The following UPRT variants were observed in gnomAD, a reference collection of about 807,000 sequenced individuals.
UPRT encodes uracil phosphoribosyltransferase homolog, also known as RP11-311P8.3.
In UPRT, 5 loss-of-function variants were observed where a neutral mutation model predicts 22.6. That is an observed-to-expected ratio of 0.22 (90% CI 0.12 to 0.47). The LOEUF (loss-of-function observed/expected upper bound fraction) is 0.47. Ranked by LOEUF, UPRT falls within the 20% of genes least tolerant of loss-of-function variation. The pLI, the probability that UPRT is intolerant of heterozygous loss-of-function variation, is 0.99. For synonymous variants in UPRT, 77 were observed against 87.7 expected (o/e 0.88, Z 0.68); for missense variants, 181 against 239.9 (o/e 0.75, Z 1.62).
At chrX:75,162,940 C>T (rs961435546) in intron 2 of UPRT, among the ~76,000 whole-genome samples, 1 of 111,779 alleles carries the variant, frequency 8.9e-6, no homozygotes, top group South Asian at 3.8e-4. Flanking sequence ...AACTTTGTGG[C>T]TAAAAACAAC....
At chrX:75,235,744 A>G (rs749271926) in intron 4 of UPRT, among the ~76,000 whole-genome samples, 1 of 112,061 alleles carries the variant, frequency 8.9e-6, no homozygotes, top group South Asian at 3.8e-4. Flanking sequence ...ACAAAATTCA[A>G]CAACGCTTCA....
intron 2 of UPRT, among the ~76,000 whole-genome samples, chrX:75,295,178 G>A (rs900138528): frequency 9.1e-6 from 1 of 110,161 alleles, no homozygotes; most frequent in Non-Finnish European, 1.9e-5. Flanking sequence ...ATTTCATCCT[G>A]AATTTGTCAG....
chrX:75,244,029 A>G (rs1192615025), intron 4 of UPRT, among the ~76,000 whole-genome samples: 1 of 111,516 alleles, frequency 9.0e-6, no homozygotes, highest in African/African-American at 3.3e-5. Context: ...TGATATTACA[A>G]TTCTAGGTTG....
chrX:75,220,855 C>A (rs761918233), intron 4 of UPRT, among the ~76,000 whole-genome samples: 1 of 111,683 alleles, frequency 9.0e-6, no homozygotes, highest in African/African-American at 3.2e-5. Context: ...ATAGTTTGCA[C>A]AACACAAATA....
chrX:75,298,101 CCTGAGCAGCTAGTA>C (rs1162676217), intron 4 of UPRT, among the ~76,000 whole-genome samples: 1 of 108,471 alleles, frequency 9.2e-6, no homozygotes, highest in Non-Finnish European at 1.9e-5. Flanking sequence ...ACCTCAGCCT[CCTGAGCAGCTAGTA>C]CTACAGGCAC....
At chrX:75,297,937 G>T in intron 4 of UPRT, 1 of 137,916 alleles carries the variant, frequency 7.3e-6, no homozygotes, top group Non-Finnish European at 1.4e-5. Context: ...TATTTCTTCT[G>T]TTTTTATTTC....
intron 4 of UPRT, among the ~76,000 whole-genome samples, chrX:75,182,285 A>G (rs1310993603): frequency 9.0e-6 from 1 of 111,598 alleles, no homozygotes; most frequent in African/African-American, 3.3e-5. Context: ...TTTTTCATTT[A>G]TATTCATCAG....
chrX:75,297,437 A>G, intron 3 of UPRT, 54 bp from the exon 4 acceptor site: 1 of 1,144,917 alleles, frequency 8.7e-7, no homozygotes, highest in Non-Finnish European at 1.2e-6. Flanking sequence ...TTTATAAAAT[A>G]TGTAGGTTAC....
intron 4 of UPRT, among the ~76,000 whole-genome samples, chrX:75,260,864 C>T (rs1056341949): frequency 6.3e-5 from 7 of 111,744 alleles, no homozygotes; most frequent in Admixed American, 4.8e-4. Flanking sequence ...TAAAGCACTC[C>T]TCAGCAAATG....
chrX:75,171,594 G>A (rs764871669), intron 4 of UPRT, among the ~76,000 whole-genome samples: 3 of 109,176 alleles, frequency 2.7e-5, no homozygotes, highest in Non-Finnish European at 5.7e-5. Flanking sequence ...ATTTCTTTTT[G>A]GTTTGGATCC....
At chrX:75,156,857 C>G in intron 1 of UPRT, 1 of 283,985 alleles carries the variant, frequency 3.5e-6, no homozygotes, top group Admixed American at 3.9e-5. Context: ...TTGCGCAAAC[C>G]TTGGGGCAGT....
At chrX:75,301,037 T>A in intron 6 of UPRT, 72 bp downstream of exon 6, 1 of 749,293 alleles carries the variant, frequency 1.3e-6, no homozygotes, top group Non-Finnish European at 2.0e-6. Flanking sequence ...TTTTCTAGCT[T>A]CTAATCCTGA....
At chrX:75,301,123 C>T (rs2082742911) in intron 6 of UPRT, 158 bp downstream of exon 6, 1 of 378,339 alleles carries the variant, frequency 2.6e-6, no homozygotes, top group Non-Finnish European at 4.5e-6. Flanking sequence ...CATCTGTAAG[C>T]TTAGTGATAA....
chrX:75,267,560 G>A (rs951149442), intron 4 of UPRT, among the ~76,000 whole-genome samples: 10 of 111,525 alleles, frequency 9.0e-5, no homozygotes, highest in Admixed American at 5.7e-4. Flanking sequence ...ATGTACCCTA[G>A]AACTTAAAGT....
At position 75,278,743 on chromosome X, in the gene UPRT, G is replaced by T. The variant is rs1267076814; in HGVS notation, c.386+4103G>T. 5.4e-5 allele frequency among the ~76,000 whole-genome samples: 6 copies of T among 111,765 alleles called. No individual in the cohort carries two copies. In the East Asian group the frequency reaches 1.7e-3, roughly 31 times the overall value. On this transcript the variant is annotated intron_variant, in intron 1 of 6. Transcript: ENST00000373383. ...TTGTCCTAGGTGGGGCTTTGGCATGGCCTCAGCAAGCTGCTTGTTTAAAAG... is the reference window on the plus strand; with the variant it reads ...TTGTCCTAGGTGGGGCTTTGGCATGTCCTCAGCAAGCTGCTTGTTTAAAAG...
chrX:75,252,757 G>T (rs2082535752), intron 4 of UPRT, among the ~76,000 whole-genome samples: 1 of 111,987 alleles, frequency 8.9e-6, no homozygotes, highest in South Asian at 3.7e-4. Context: ...GTTTATTGTG[G>T]CACTATTCAC....
At chrX:75,274,696 G>T in intron 1 of UPRT, 56 bp downstream of exon 1, 1 of 1,125,579 alleles carries the variant, frequency 8.9e-7, no homozygotes. Context: ...GCTGTGGGCG[G>T]GGATTGGAAG....
At chrX:75,257,928 C>A (rs1351794230) in intron 4 of UPRT, among the ~76,000 whole-genome samples, 3 of 110,996 alleles carry the variant, frequency 2.7e-5, no homozygotes, top group African/African-American at 6.6e-5. Context: ...TGGGTGCAGC[C>A]CATGGAGGGC....
At chrX:75,177,072 T>C (rs940416299) in intron 4 of UPRT, among the ~76,000 whole-genome samples, 1 of 111,123 alleles carries the variant, frequency 9.0e-6, no homozygotes, top group African/African-American at 3.3e-5. Context: ...ATGGTTTTGG[T>C]TTATTTTGTT....
Sources: allele counts gnomAD v4.1 joint callset (sites outside exome capture counted in the v4.1 genomes callset), GRCh38; gene constraint gnomAD v4.1.1; transcripts MANE v1.5; gene names NCBI Gene and HGNC (gene_info 2026-07-23, HGNC 2026-07-21).